Variants in DYNC1I2 observed in about 807,000 individuals in gnomAD.
DYNC1I2 encodes the protein dynein cytoplasmic 1 intermediate chain 2, also known as cytoplasmic dynein 1 intermediate chain 2.
In DYNC1I2, 53 loss-of-function variants were observed where a neutral mutation model predicts 88.6. The observed-to-expected ratio is 0.60, with a 90% CI of 0.48 to 0.75. The LOEUF is 0.75. Among genes scored for constraint, DYNC1I2 ranks in the 30% least tolerant of loss-of-function variants. The probability of loss-of-function intolerance (pLI) is 0.00; values close to 1 mark genes in which losing one functional copy is unlikely to be tolerated. For missense variants in DYNC1I2, 458 were observed against 766.6 expected, an observed-to-expected ratio of 0.60 and a Z score of 4.75; for synonymous variants, 198 against 254.6, an observed-to-expected ratio of 0.78 and a Z score of 2.12.
intron 5 of DYNC1I2, among the ~76,000 whole-genome samples, chr2:171,707,944 C>A (rs990140864): frequency 6.6e-6 from 1 of 152,080 alleles, no homozygotes; most frequent in Non-Finnish European, 1.5e-5. Flanking sequence ...AATTACATTT[C>A]GTGTTTGTTT....
rs558103422 is a variant in DYNC1I2 at position 171,726,093 on chromosome 2, T to C, written c.770+12T>C. On this transcript the variant is annotated intron_variant, in intron 9 of 17. Transcript: ENST00000397119. ...GAAGACAAAGAAGGGTAATGTTTAG[T>C]TGCTAAGATTTTTAGCTTCAATAAT... 1.3e-6 allele frequency: 2 copies of C among 1,568,516 alleles called. No individual in the cohort carries two copies. Among genetic ancestry groups the C allele is most frequent in the African/African-American group, 2.7e-5 (2 of 73,118 alleles).
Position 171,725,510 on chromosome 2 carries a change from A to G in DYNC1I2, c.512-108A>G, listed in dbSNP as rs959973106. ...TTTTGCTTATATCTTGGGAGTTGTG[A>G]TACCTTCTGAAATACTGTCTCAAAA... On this transcript the variant is annotated intron_variant, in intron 7 of 17. Coordinates refer to ENST00000397119, the MANE Select transcript of DYNC1I2 (RefSeq NM_001378.3). 4.4e-6 allele frequency: 3 copies of G among 681,574 alleles called. No individual in the cohort carries two copies. The East Asian group carries it at 9.0e-5, about 20-fold the overall frequency. The allele number at this position is 681,574 out of a possible 1,614,324, so 42.2% of individuals were successfully genotyped here.
At chr2:171,692,699 G>A in intron 2 of DYNC1I2, 78 bp from the exon 3 acceptor site, 1 of 934,574 alleles carries the variant, frequency 1.1e-6, no homozygotes, top group Non-Finnish European at 1.6e-6. Context: ...TACAGTGTTA[G>A]CATATTATTT....
intron 7 of DYNC1I2, among the ~76,000 whole-genome samples, chr2:171,717,136 ATTTTC>A (rs1278590875): frequency 8.0e-6 from 1 of 124,784 alleles, no homozygotes; most frequent in African/African-American, 2.9e-5. Flanking sequence ...TTGTTCAAGT[ATTTTC>A]TTTTTTTTTT....
At chr2:171,738,933 GA>G (rs1689199456) in intron 15 of DYNC1I2, among the ~76,000 whole-genome samples, 1 of 152,122 alleles carries the variant, frequency 6.6e-6, no homozygotes, top group African/African-American at 2.4e-5. Flanking sequence ...TGGATCACCG[GA>G]GGTCAGGAGT....
chr2:171,743,999 AT>A (rs765491095), intron 15 of DYNC1I2, 49 bp from the exon 16 acceptor site: 1 of 1,470,918 alleles, frequency 6.8e-7, no homozygotes, highest in African/African-American at 1.4e-5. Flanking sequence ...TAGTTTAATG[AT>A]TTGTATGTCA....
chr2:171,718,044 C>T (rs555709434), intron 7 of DYNC1I2, among the ~76,000 whole-genome samples: 14 of 151,462 alleles, frequency 9.2e-5, no homozygotes, highest in African/African-American at 2.9e-4. Flanking sequence ...GCAACCTCCA[C>T]CTCCCAGGTT....
At chr2:171,717,679 T>G (rs1423219857) in intron 7 of DYNC1I2, among the ~76,000 whole-genome samples, 3 of 152,186 alleles carry the variant, frequency 2.0e-5, no homozygotes, top group African/African-American at 7.2e-5. Context: ...AGTATATTAA[T>G]TTGGTGAGTA....
intron 15 of DYNC1I2, among the ~76,000 whole-genome samples, chr2:171,739,346 C>T (rs1043401271): frequency 1.3e-5 from 2 of 151,952 alleles, no homozygotes; most frequent in Non-Finnish European, 2.9e-5. Flanking sequence ...AATTTTAAAA[C>T]ATTTTATTAT....
At chr2:171,739,832 A>G (rs985541496) in intron 15 of DYNC1I2, among the ~76,000 whole-genome samples, 6 of 148,660 alleles carry the variant, frequency 4.0e-5, no homozygotes, top group Non-Finnish European at 8.9e-5. Context: ...CAGCCTCCTG[A>G]GTAGCTGGGA....
chr2:171,712,520 T>A, intron 5 of DYNC1I2: 1 of 388,376 alleles, frequency 2.6e-6, no homozygotes, highest in South Asian at 8.0e-5. Flanking sequence ...GCAAATAATG[T>A]CTTTTAACTA....
chr2:171,748,653 T>C lies in DYNC1I2; in HGVS notation c.*764T>C, dbSNP rs1372989326. Among the ~76,000 whole-genome samples, 3 of 152,204 alleles carry C rather than the reference T, an allele frequency of 2.0e-5. No individual in the cohort carries two copies. Among genetic ancestry groups the C allele is most frequent in the Non-Finnish European group, 2.9e-5 (2 of 68,022 alleles). On this transcript the variant is annotated 3_prime_UTR_variant, in exon 18 of 18. Transcript: ENST00000397119. ...TAGGTTAACTTTTGCTTTACTACTTTATATTCTTTCCATCTAAGACATATT... is the reference window on the plus strand; with the variant it reads ...TAGGTTAACTTTTGCTTTACTACTTCATATTCTTTCCATCTAAGACATATT...
At chr2:171,741,534 T>C (rs1300194331) in intron 15 of DYNC1I2, among the ~76,000 whole-genome samples, 1 of 152,228 alleles carries the variant, frequency 6.6e-6, no homozygotes, top group African/African-American at 2.4e-5. Context: ...TGAACATCTT[T>C]TCATGTACTT....
At position 171,750,158 on chromosome 2, in the gene DYNC1I2, A is replaced by C. The variant is rs1690007774; in HGVS notation, c.*2269A>C. ...CTTGCAATAAATCTCTGAAATAATCATTTTTTGGTATTATTTAAACCAAAT... is the reference window on the plus strand; with the variant it reads ...CTTGCAATAAATCTCTGAAATAATCCTTTTTTGGTATTATTTAAACCAAAT... On this transcript the variant is annotated 3_prime_UTR_variant, in exon 18 of 18. Transcript: ENST00000397119. Among the ~76,000 whole-genome samples, 1 of 152,154 alleles carries C rather than the reference A, an allele frequency of 6.6e-6. No individual in the cohort carries two copies. The highest frequency in any genetic ancestry group is 1.5e-5 in the Non-Finnish European group (1 of 68,000).
At chr2:171,735,651 C>A (rs1461667914) in intron 15 of DYNC1I2, among the ~76,000 whole-genome samples, 1 of 152,152 alleles carries the variant, frequency 6.6e-6, no homozygotes, top group Admixed American at 6.5e-5. Flanking sequence ...GACTCTGTTG[C>A]CATCTCAAAA....
intron 3 of DYNC1I2, among the ~76,000 whole-genome samples, chr2:171,704,716 C>T (rs1463727845): frequency 6.6e-6 from 1 of 152,052 alleles, no homozygotes; most frequent in African/African-American, 2.4e-5. Context: ...GTTTTGGCCT[C>T]CTGAATGCAT....
In DYNC1I2 at chr2:171,725,925, C is replaced by G. The variant is rs756248563; in HGVS notation, c.614C>G (p.Pro205Arg). The G allele has an allele frequency of 6.4e-7, 1 of 1,571,036 alleles. No individual in the cohort carries two copies. Among genetic ancestry groups the G allele is most frequent in the Admixed American group, 2.2e-5 (1 of 46,460 alleles). ...AAAATTATTTATTTTCCAGCTCCCC[C>G]TCATGAGCTGACTGAAGAAGAAAAG... ...KDEENDSKAP[P>R]HELTEEEKQQ... is the part of the protein sequence containing the mutation. Residue 205 changes from proline (P) to arginine (R), a missense_variant, in exon 9 of 18, where the codon CCT (proline) becomes CGT (arginine). By Grantham distance (103) the Pro-to-Arg change is moderately radical (BLOSUM62 -2). This residue lies in a region of DYNC1I2 where 203 missense variants were observed against 354.2 expected (regional missense o/e 0.57). Transcript: ENST00000397119.
chr2:171,701,850 AGT>A (rs1342243470), intron 3 of DYNC1I2, among the ~76,000 whole-genome samples: 1 of 152,184 alleles, frequency 6.6e-6, no homozygotes, highest in African/African-American at 2.4e-5. Flanking sequence ...GGTTTTTCTG[AGT>A]GGGGCGGAAT....
In DYNC1I2 at chr2:171,714,387, AAG is replaced by A. The variant is rs148706451; in HGVS notation, c.396-940_396-939del. Among the ~76,000 whole-genome samples, 988 of 152,202 alleles carry A rather than the reference AAG, an allele frequency of 6.5e-3. 13 individuals are homozygous for A. Among genetic ancestry groups the A allele is most frequent in the African/African-American group, 0.022 (915 of 41,542 alleles). ...TGAAAAGAATATTTATATAAGAAAA[AAG>A]TTATATTACCAGCGATAGCCTGCTT... is the stretch of plus-strand genomic sequence containing the variant. On this transcript the variant is annotated intron_variant, in intron 6 of 17. Coordinates refer to ENST00000397119, the MANE Select transcript of DYNC1I2 (RefSeq NM_001378.3).
Sources: gnomAD v4.1 joint callset for allele counts (sites outside exome capture counted in the v4.1 genomes callset) on GRCh38, gnomAD v4.1.1 for gene constraint, gnomAD v4.1.1 regional missense constraint, MANE v1.5 for transcripts, NCBI Gene and HGNC (gene_info 2026-07-23, HGNC 2026-07-21) for gene names.